The following FILIP1L variants were observed in gnomAD, a reference collection of about 807,000 sequenced individuals.
FILIP1L encodes the protein filamin A-interacting protein 1-like.
A neutral mutation model predicts 96.6 loss-of-function variants in FILIP1L; 55 were observed. The observed-to-expected ratio is 0.57, with a 90% confidence interval of 0.46 to 0.71. The LOEUF (loss-of-function observed/expected upper bound fraction) is 0.71. Among genes scored for constraint, FILIP1L ranks in the 30% least tolerant of loss-of-function variants. The pLI, the probability that FILIP1L is intolerant of heterozygous loss-of-function variation, is 0.00. For synonymous variants in FILIP1L, 467 were observed against 473.9 expected, an observed-to-expected ratio of 0.99 and a Z score of 0.19; for missense variants, 1,304 against 1,321.2, an observed-to-expected ratio of 0.99 and a Z score of 0.20.
chr3:100,056,035 AG>A (rs1396872213), intron 1 of FILIP1L, among the ~76,000 whole-genome samples: 6 of 152,204 alleles, frequency 3.9e-5, no homozygotes, highest in Non-Finnish European at 8.8e-5. Context: ...AATAAGACAC[AG>A]GTAAAAGAAG....
Position 99,848,760 on chromosome 3 carries a change from G to A in FILIP1L, c.2916C>T (p.Gly972=). 1 of 1,614,210 alleles carries A rather than the reference G, an allele frequency of 6.2e-7. No individual in the cohort carries two copies. The highest frequency in any genetic ancestry group is 8.5e-7 in the Non-Finnish European group (1 of 1,180,028). Residue 972 remains glycine (G), a synonymous_variant, in exon 5 of 6, where the codon GGC becomes GGT. Coordinates refer to ENST00000477258, the MANE Select transcript of FILIP1L (RefSeq NM_001387850.1). ...AGGTTGCCATGGTAATTGGGGACAT[G>A]CCTTGTTCTAAATTCATGAGGTCTT... ...STEDLMNLEQ[G]MSPITMATFA... is the part of the protein sequence containing the mutation.
chr3:100,024,528 G>A (rs1576649893), intron 1 of FILIP1L, among the ~76,000 whole-genome samples: 1 of 152,146 alleles, frequency 6.6e-6, no homozygotes, highest in East Asian at 1.9e-4. Flanking sequence ...CCTTTCATAG[G>A]AAGCAACTGT....
At chr3:100,015,110 T>A (rs1054584345) in intron 1 of FILIP1L, among the ~76,000 whole-genome samples, 2 of 151,982 alleles carry the variant, frequency 1.3e-5, no homozygotes, top group Non-Finnish European at 2.9e-5. Flanking sequence ...CTTCCTCATG[T>A]AGATATCCAG....
At chr3:99,875,265 C>CAAT (rs1469533702) in intron 4 of FILIP1L, among the ~76,000 whole-genome samples, 4 of 152,116 alleles carry the variant, frequency 2.6e-5, no homozygotes, top group African/African-American at 4.8e-5. Context: ...TCATTGGTAG[C>CAAT]AATAGCCTCT....
intron 5 of FILIP1L, chr3:99,833,337 A>G (rs1942763889): frequency 1.5e-6 from 2 of 1,290,742 alleles, no homozygotes; most frequent in Non-Finnish European, 1.1e-6. Flanking sequence ...TGTTTTATCC[A>G]TAGATTCTCA....
intron 1 of FILIP1L, among the ~76,000 whole-genome samples, chr3:99,949,382 T>C (rs537516272): frequency 2.6e-5 from 4 of 152,252 alleles, no homozygotes; most frequent in African/African-American, 9.6e-5. Flanking sequence ...TATTTAAATA[T>C]ACTTAGGATT....
intron 4 of FILIP1L, among the ~76,000 whole-genome samples, chr3:99,914,585 T>C (rs1706893570): frequency 6.6e-6 from 1 of 152,204 alleles, no homozygotes; most frequent in African/African-American, 2.4e-5. Context: ...GGTAAAGTTA[T>C]AAAGTAAGAA....
intron 4 of FILIP1L, among the ~76,000 whole-genome samples, chr3:99,905,006 A>G (rs777689306): frequency 3.0e-4 from 46 of 152,212 alleles, no homozygotes; most frequent in Non-Finnish European, 1.2e-4. Flanking sequence ...CCTCAGATCC[A>G]AAAGCCTTCA....
At chr3:99,987,650 G>T (rs1709384794) in intron 1 of FILIP1L, among the ~76,000 whole-genome samples, 1 of 151,810 alleles carries the variant, frequency 6.6e-6, no homozygotes, top group Admixed American at 6.6e-5. Context: ...TGTCTGACAA[G>T]ACTAACAATT....
intron 1 of FILIP1L, among the ~76,000 whole-genome samples, chr3:100,086,433 A>G (rs1177617679): frequency 6.6e-6 from 1 of 152,218 alleles, no homozygotes; most frequent in African/African-American, 2.4e-5. Flanking sequence ...AAAAAAATCC[A>G]GGTTCTACTC....
At chr3:100,053,367 G>A (rs2065406135) in intron 1 of FILIP1L, among the ~76,000 whole-genome samples, 1 of 152,210 alleles carries the variant, frequency 6.6e-6, no homozygotes, top group Non-Finnish European at 1.5e-5. Context: ...CTTGCTTTTT[G>A]TAGCTTCTGG....
chr3:99,979,489 C>A (rs1397844017), intron 1 of FILIP1L, among the ~76,000 whole-genome samples: 1 of 152,110 alleles, frequency 6.6e-6, no homozygotes. Flanking sequence ...GCATTGGAGT[C>A]AGGTTGTTCA....
At chr3:99,903,348 T>C (rs1706501962) in intron 4 of FILIP1L, among the ~76,000 whole-genome samples, 1 of 151,326 alleles carries the variant, frequency 6.6e-6, no homozygotes, top group Admixed American at 6.6e-5. Context: ...GCCTCCCGGG[T>C]TCAAGCAATT....
intron 1 of FILIP1L, among the ~76,000 whole-genome samples, chr3:100,074,589 A>C (rs1282154697): frequency 6.7e-6 from 1 of 150,266 alleles, no homozygotes; most frequent in Non-Finnish European, 1.5e-5. Flanking sequence ...ACTAGTAAAA[A>C]CTATGCTTGA....
intron 1 of FILIP1L, among the ~76,000 whole-genome samples, chr3:100,038,005 A>T (rs1180094528): frequency 7.4e-6 from 1 of 135,332 alleles, no homozygotes; most frequent in African/African-American, 2.9e-5. Context: ...GCCCAGGTGG[A>T]GTGCAGTGGC....
chr3:100,002,950 G>A (rs1175502868), intron 1 of FILIP1L, among the ~76,000 whole-genome samples: 1 of 152,168 alleles, frequency 6.6e-6, no homozygotes, highest in Admixed American at 6.5e-5. Flanking sequence ...ATTCTTGCTG[G>A]GTTGCATCAG....
intron 1 of FILIP1L, among the ~76,000 whole-genome samples, chr3:99,936,804 T>C (rs893791114): frequency 1.4e-4 from 22 of 152,068 alleles, no homozygotes; most frequent in African/African-American, 5.3e-4. Context: ...ACTTAGCTTT[T>C]ATAAAAAGAT....
chr3:100,017,976 T>C (rs1710393990), intron 1 of FILIP1L, among the ~76,000 whole-genome samples: 1 of 152,088 alleles, frequency 6.6e-6, no homozygotes, highest in African/African-American at 2.4e-5. Context: ...GCAAAGACTT[T>C]GAAACTCTGA....
chr3:100,022,115 T>A (rs890788087), intron 1 of FILIP1L, among the ~76,000 whole-genome samples: 2 of 152,108 alleles, frequency 1.3e-5, no homozygotes, highest in African/African-American at 4.8e-5. Context: ...AAATTTTAAA[T>A]AAAAATAGAG....
Sources: gnomAD v4.1 joint callset for allele counts (sites outside exome capture counted in the v4.1 genomes callset) on GRCh38, gnomAD v4.1.1 for gene constraint, MANE v1.5 for transcripts, NCBI Gene and HGNC (gene_info 2026-07-23, HGNC 2026-07-21) for gene names.